Variants in HORMAD2 observed in about 807,000 individuals in gnomAD.
HORMAD2 encodes HORMA domain containing 2.
In HORMAD2, 45 loss-of-function variants were observed where a neutral mutation model predicts 38.8. The observed-to-expected ratio is 1.16, with a 90% CI of 0.91 to 1.49. The LOEUF (loss-of-function observed/expected upper bound fraction) is 1.49, where lower values mean the gene tolerates loss of function less well. HORMAD2 is among the 40% of genes most tolerant of loss of function. The pLI is 0.00. For synonymous variants in HORMAD2, 126 were observed against 122.8 expected, an observed-to-expected ratio of 1.03 and a Z score of -0.17; for missense variants, 338 against 367.0, an observed-to-expected ratio of 0.92 and a Z score of 0.65.
At chr22:30,202,606 C>T in the HORMAD2 span, among the ~76,000 whole-genome samples, 12 of 152,268 alleles carry the variant, frequency 7.9e-5, no homozygotes, top group South Asian at 2.3e-3. Flanking sequence ...ACAGCCTTCT[C>T]AGCCTTACCC....
In HORMAD2 at chr22:30,173,556, A is replaced by T. The variant is rs185278991; in HGVS notation, c.820-2507A>T. ...GGGTGAGTGAGAACGAAGATTGGGA[A>T]CAGGCTTAGAGAAGCAGATGATGAA... On this transcript the variant is annotated intron_variant, in intron 10 of 10. Coordinates refer to ENST00000336726, the MANE Select transcript of HORMAD2 (RefSeq NM_152510.4). Among the ~76,000 whole-genome samples, 442 of 152,352 alleles carry T rather than the reference A, an allele frequency of 2.9e-3. 6 individuals carry two copies. The highest frequency in any genetic ancestry group is 1.0e-3 in the Non-Finnish European group (69 of 68,034).
rs112455038 is a variant in HORMAD2, at chr22:30,099,386, G to A, written c.193+393G>A. ...GTGAAAAACTTTTCTCCCTGTTAAC[G>A]TATATAAAAATACTGGGGATAAAAA... On this transcript the variant is annotated intron_variant, in intron 3 of 10. Coordinates refer to ENST00000336726, the MANE Select transcript of HORMAD2 (RefSeq NM_152510.4). 5.5e-3 allele frequency among the ~76,000 whole-genome samples: 843 copies of A among 152,234 alleles called. 8 individuals carry two copies. Among genetic ancestry groups the A allele is most frequent in the African/African-American group, 0.019 (788 of 41,550 alleles).
intron 3 of HORMAD2, among the ~76,000 whole-genome samples, chr22:30,101,814 C>T (rs1214452529): frequency 1.3e-5 from 2 of 152,050 alleles, no homozygotes; most frequent in African/African-American, 2.4e-5. Context: ...CAAAGTGTAA[C>T]CATAACACTT....
At chr22:30,098,743 A>C in intron 2 of HORMAD2, 109 bp from the exon 3 acceptor site, 5 of 860,730 alleles carry the variant, frequency 5.8e-6, no homozygotes, top group South Asian at 2.3e-5. Context: ...CTTCAAAGAT[A>C]TCAAATTTGA....
chr22:30,171,969 G>T (rs9614153), intron 10 of HORMAD2, among the ~76,000 whole-genome samples: 2 of 151,982 alleles, frequency 1.3e-5, no homozygotes, highest in Non-Finnish European at 2.9e-5. Context: ...CACAGCCAGG[G>T]CCTGAGGAGT....
chr22:30,115,223 C>A (rs1181057517), intron 7 of HORMAD2, among the ~76,000 whole-genome samples: 1 of 152,172 alleles, frequency 6.6e-6, no homozygotes, highest in East Asian at 1.9e-4. Context: ...ACCTTCTAGG[C>A]CCAAGCGATC....
chr22:30,191,484 A>G, the HORMAD2 span, among the ~76,000 whole-genome samples: 1 of 152,138 alleles, frequency 6.6e-6, no homozygotes, highest in South Asian at 2.1e-4. Flanking sequence ...CCTCCCCTTC[A>G]GGGTACAAAG....
At chr22:30,091,305 C>T (rs2146069022) in intron 1 of HORMAD2, among the ~76,000 whole-genome samples, 1 of 144,412 alleles carries the variant, frequency 6.9e-6, no homozygotes, top group East Asian at 2.0e-4. Flanking sequence ...TGCTCTGTTG[C>T]CCAGGCTGGA....
intron 10 of HORMAD2, among the ~76,000 whole-genome samples, chr22:30,165,731 G>A (rs1925736134): frequency 6.6e-6 from 1 of 151,682 alleles, no homozygotes; most frequent in South Asian, 2.1e-4. Flanking sequence ...CATTTTATTG[G>A]TACCACCTGA....
At chr22:30,157,526 T>C (rs1202753423) in intron 10 of HORMAD2, among the ~76,000 whole-genome samples, 1 of 151,836 alleles carries the variant, frequency 6.6e-6, no homozygotes, top group Non-Finnish European at 1.5e-5. Flanking sequence ...CTATGCACTA[T>C]ACCATAAAAA....
intron 10 of HORMAD2, among the ~76,000 whole-genome samples, chr22:30,143,715 G>T (rs1425935967): frequency 2.6e-5 from 4 of 152,140 alleles, no homozygotes. Context: ...GGATAATGAT[G>T]GTTGATATGC....
chr22:30,182,222 T>C, the HORMAD2 span, among the ~76,000 whole-genome samples: 3 of 152,308 alleles, frequency 2.0e-5, no homozygotes, highest in African/African-American at 7.2e-5. Flanking sequence ...ATGGGGGCAA[T>C]AGTAGTGTCT....
Position 30,103,438 on chromosome 22 carries a change from C to A in HORMAD2, c.195C>A (p.Asp65Glu). Residue 65 changes from aspartate to glutamate, a missense_variant and splice_region_variant, in exon 4 of 11, where the codon GAC (aspartate) becomes GAA (glutamate). Physicochemically the swap from Asp to Glu is conservative, Grantham distance 45. Coordinates refer to ENST00000336726, the MANE Select transcript of HORMAD2 (RefSeq NM_152510.4). Reference protein sequence around the residue: ...ESSYGERHLDDLSLKILREDK... With the variant: ...ESSYGERHLDELSLKILREDK... ...TAGACTGTGTTTCTGTTTTTGTAGA[C>A]CTCAGTTTAAAAATCCTCCGAGAAG... The A allele has an allele frequency of 6.6e-7, 1 of 1,524,304 alleles. No homozygotes were observed. Among genetic ancestry groups the A allele is most frequent in the Non-Finnish European group, 8.9e-7 (1 of 1,121,654 alleles). 94.4% of individuals were successfully genotyped at this position (1,524,304 alleles called of 1,614,324 possible). A position where few individuals can be genotyped will look rare whatever the true frequency, so the allele number is the denominator to read the frequency against.
intron 10 of HORMAD2, among the ~76,000 whole-genome samples, chr22:30,167,857 A>G (rs185024859): frequency 7.9e-5 from 12 of 152,302 alleles, no homozygotes; most frequent in African/African-American, 2.9e-4. Flanking sequence ...ACTTGAAATC[A>G]GAAGACTTGG....
At chr22:30,169,554 T>C (rs1925985658) in intron 10 of HORMAD2, among the ~76,000 whole-genome samples, 1 of 152,092 alleles carries the variant, frequency 6.6e-6, no homozygotes, top group Admixed American at 6.6e-5. Flanking sequence ...CTACAGAAGA[T>C]AAAGAAATTA....
At chr22:30,162,216 G>A (rs1040079047) in intron 10 of HORMAD2, among the ~76,000 whole-genome samples, 2 of 152,122 alleles carry the variant, frequency 1.3e-5, no homozygotes, top group African/African-American at 4.8e-5. Context: ...AGGAGGCTGA[G>A]GTGGGAGGAT....
intron 10 of HORMAD2, among the ~76,000 whole-genome samples, chr22:30,124,405 A>G (rs1242688748): frequency 1.3e-5 from 2 of 152,210 alleles, no homozygotes; most frequent in African/African-American, 4.8e-5. Flanking sequence ...AATAATGAGA[A>G]CATCCATATG....
chr22:30,168,338 T>C (rs1925908166), intron 10 of HORMAD2, among the ~76,000 whole-genome samples: 1 of 152,230 alleles, frequency 6.6e-6, no homozygotes, highest in Non-Finnish European at 1.5e-5. Context: ...TTTACCTCAT[T>C]CCTTCGGACC....
intron 10 of HORMAD2, among the ~76,000 whole-genome samples, chr22:30,139,933 T>G (rs892305635): frequency 3.3e-5 from 5 of 151,286 alleles, no homozygotes; most frequent in Non-Finnish European, 5.9e-5. Context: ...AGATCCCCCT[T>G]TATCATTGTG....
Sources: gnomAD v4.1 joint callset for allele counts (sites outside exome capture counted in the v4.1 genomes callset) on GRCh38, gnomAD v4.1.1 for gene constraint, MANE v1.5 for transcripts, NCBI Gene and HGNC (gene_info 2026-07-23, HGNC 2026-07-21) for gene names.